BICRAL: variants seen among roughly 807,000 people sequenced by gnomAD.
BICRAL encodes BICRA like chromatin remodeling complex associated protein, also known as BRD4-interacting chromatin-remodeling complex-associated protein-like.
A neutral mutation model predicts 91.8 loss-of-function variants in BICRAL; 8 were observed. The ratio of observed to expected loss-of-function variants is 0.09; its 90% CI spans 0.05 to 0.16. The LOEUF is 0.16. Ranked by LOEUF, BICRAL falls within the 10% of genes least tolerant of loss-of-function variation. The pLI, the probability that BICRAL is intolerant of heterozygous loss-of-function variation, is 1.00. For synonymous variants in BICRAL, 445 were observed against 491.1 expected (o/e 0.91, Z 1.24); for missense variants, 1,038 against 1,310.9 (o/e 0.79, Z 3.21).
chr6:42,852,796 T>G (rs1420014408), intron 7 of BICRAL, among the ~76,000 whole-genome samples: 1 of 151,316 alleles, frequency 6.6e-6, no homozygotes, highest in African/African-American at 2.4e-5. Context: ...AAAAAATACT[T>G]CTTAGAAACA....
At chr6:42,746,782 C>G (rs1762283420), upstream of BICRAL, among the ~76,000 whole-genome samples, 1 of 152,098 alleles carries the variant, frequency 6.6e-6, no homozygotes, top group South Asian at 2.1e-4. Flanking sequence ...CAGGCAGTTA[C>G]TAGGGCAGGA....
chr6:42,770,409 ATTATTT>A (rs1313911287), intron 1 of BICRAL, among the ~76,000 whole-genome samples: 5 of 119,642 alleles, frequency 4.2e-5, no homozygotes, highest in Admixed American at 1.7e-4. Flanking sequence ...TATTATTATT[ATTATTT>A]TTTTTTTTTT....
chr6:42,856,339 G>C (rs1224885110), intron 9 of BICRAL, among the ~76,000 whole-genome samples: 2 of 129,398 alleles, frequency 1.5e-5, no homozygotes, highest in Non-Finnish European at 3.3e-5. Flanking sequence ...TATATACTTT[G>C]AAAATCTTTT....
At chr6:42,840,216 CTTT>C (rs1196414445) in intron 6 of BICRAL, among the ~76,000 whole-genome samples, 6 of 140,166 alleles carry the variant, frequency 4.3e-5, no homozygotes, top group Admixed American at 2.8e-4. Context: ...TATTTTTGTT[CTTT>C]TTTGTTTGTT....
At chr6:42,807,002 TG>T (rs1223773662) in intron 1 of BICRAL, among the ~76,000 whole-genome samples, 8 of 151,726 alleles carry the variant, frequency 5.3e-5, no homozygotes, top group African/African-American at 1.9e-4. Context: ...GGCTAATTTT[TG>T]TATTTTTAGT....
chr6:42,865,406 C>G lies in BICRAL; in HGVS notation c.3200C>G (p.Ser1067Cys). Residue 1067 changes from serine to cysteine, a missense_variant, in exon 13 of 13, where the codon TCC becomes TGC. Around this residue, in one of 5 missense-constraint regions of BICRAL, gnomAD observed 92 missense variants for 147.8 expected, o/e 0.62. Coordinates refer to ENST00000314073, the MANE Select transcript of BICRAL (RefSeq NM_001393499.1). ...AGTGAAGGTGTTGTAGAAACTGACT[C>G]CATTTTAGAAGCAGCTGTAAATAGT... ...DHSEGVVETD[S>C]ILEAAVNSIL... The G allele has an allele frequency of 6.2e-7, 1 of 1,613,452 alleles. No individual in the cohort carries two copies. The highest frequency in any genetic ancestry group is 1.1e-5 in the South Asian group (1 of 91,070).
chr6:42,811,752 T>G (rs1173895709), intron 2 of BICRAL, among the ~76,000 whole-genome samples: 1 of 152,172 alleles, frequency 6.6e-6, no homozygotes, highest in East Asian at 1.9e-4. Context: ...ACTGATGTGT[T>G]TAAGAAAACT....
chr6:42,861,946 C>T (rs775171246), intron 11 of BICRAL, among the ~76,000 whole-genome samples: 2 of 152,110 alleles, frequency 1.3e-5, no homozygotes, highest in Non-Finnish European at 2.9e-5. Flanking sequence ...TTGCAGAGAG[C>T]CAAGATTGTG....
intron 1 of BICRAL, among the ~76,000 whole-genome samples, chr6:42,758,286 A>G (rs910428540): frequency 6.6e-6 from 1 of 152,108 alleles, no homozygotes; most frequent in Non-Finnish European, 1.5e-5. Flanking sequence ...CGATTGTGTC[A>G]CTTAAAACCT....
intron 1 of BICRAL, among the ~76,000 whole-genome samples, chr6:42,758,876 C>T (rs1017371645): frequency 2.6e-5 from 4 of 152,166 alleles, no homozygotes; most frequent in Non-Finnish European, 5.9e-5. Context: ...ACGAGAGAGA[C>T]CAAAAAGTCT....
At chr6:42,752,500 G>A (rs1762395537) in intron 1 of BICRAL, among the ~76,000 whole-genome samples, 1 of 152,172 alleles carries the variant, frequency 6.6e-6, no homozygotes, top group Admixed American at 6.6e-5. Context: ...AAGCTGGAGT[G>A]CAGTGGCATA....
intron 1 of BICRAL, among the ~76,000 whole-genome samples, chr6:42,786,261 T>C (rs1032074111): frequency 1.3e-5 from 2 of 152,242 alleles, no homozygotes; most frequent in South Asian, 2.1e-4. Context: ...GTCAGAATTA[T>C]ACCATCTTTG....
chr6:42,814,691 A>G (rs377659247), intron 2 of BICRAL, among the ~76,000 whole-genome samples: 1 of 149,460 alleles, frequency 6.7e-6, no homozygotes. Context: ...ATGGTCGGCT[A>G]ATTCTTGTAT....
At chr6:42,853,581 T>G (rs1156995080) in intron 7 of BICRAL, 57 bp from the exon 8 acceptor site, 1 of 1,275,310 alleles carries the variant, frequency 7.8e-7, no homozygotes, top group African/African-American at 1.5e-5. Flanking sequence ...TAGGGTTATA[T>G]GATGGACCCA....
chr6:42,794,720 G>A (rs547708734), intron 1 of BICRAL, among the ~76,000 whole-genome samples: 6 of 151,118 alleles, frequency 4.0e-5, no homozygotes, highest in East Asian at 1.9e-4. Context: ...AGGCTGAGGC[G>A]GGCGGATCAC....
intron 6 of BICRAL, among the ~76,000 whole-genome samples, chr6:42,846,311 T>C (rs62416287): frequency 0.046 from 7,032 of 151,942 alleles, 199 homozygotes; most frequent in Middle Eastern, 0.065. Context: ...GAGGTAGCAG[T>C]AAGCTGAGAT....
At chr6:42,844,540 A>G (rs1474653776) in intron 6 of BICRAL, among the ~76,000 whole-genome samples, 1 of 115,966 alleles carries the variant, frequency 8.6e-6, no homozygotes, top group East Asian at 2.4e-4. Context: ...AAAAAAAAAA[A>G]AAAAAGAGGG....
At chr6:42,828,029 C>A (rs1211184404) in intron 5 of BICRAL, among the ~76,000 whole-genome samples, 3 of 152,260 alleles carry the variant, frequency 2.0e-5, no homozygotes, top group Middle Eastern at 3.4e-3. Context: ...TAATGTCAAG[C>A]ATCATTATGA....
chr6:42,841,109 G>A (rs188389919), intron 6 of BICRAL, among the ~76,000 whole-genome samples: 4 of 114,400 alleles, frequency 3.5e-5, no homozygotes, highest in Non-Finnish European at 5.2e-5. Context: ...AATTGAAAGC[G>A]GCTGAGCCCA....
Sources: allele counts gnomAD v4.1 joint callset (sites outside exome capture counted in the v4.1 genomes callset), GRCh38; gene constraint gnomAD v4.1.1; regional missense constraint gnomAD v4.1.1; transcripts MANE v1.5; gene names NCBI Gene and HGNC (gene_info 2026-07-23, HGNC 2026-07-21).